The following SMOC2 variants were observed in gnomAD, a reference collection of about 807,000 sequenced individuals.
SMOC2 encodes SPARC-related modular calcium-binding protein 2.
In SMOC2, 39 loss-of-function variants were observed where a neutral mutation model predicts 61.4. That is an observed-to-expected ratio of 0.64 (90% CI 0.49 to 0.83). SMOC2 has a LOEUF of 0.83. Ranked by LOEUF, SMOC2 falls within the 40% of genes least tolerant of loss-of-function variation. The pLI is 0.00. For synonymous variants in SMOC2, 247 were observed against 239.9 expected (o/e 1.03, Z -0.27); for missense variants, 556 against 592.9 (o/e 0.94, Z 0.65).
At chr6:168,646,135 G>A (rs1003831937) in intron 9 of SMOC2, among the ~76,000 whole-genome samples, 2 of 152,210 alleles carry the variant, frequency 1.3e-5, no homozygotes, top group Admixed American at 6.5e-5. Context: ...CCAGAGGAAT[G>A]CGTCTCATTA....
intron 7 of SMOC2, among the ~76,000 whole-genome samples, chr6:168,580,997 GT>G (rs2115158145): frequency 6.6e-6 from 1 of 152,316 alleles, no homozygotes; most frequent in Non-Finnish European, 1.5e-5. Context: ...GGGAATTAAA[GT>G]ATGCAACCAG....
Position 168,598,863 on chromosome 6 carries a change from A to G in SMOC2, c.683A>G (p.Lys228Arg). 1.2e-6 allele frequency: 2 copies of G among 1,613,876 alleles called. No homozygotes were observed. The highest frequency in any genetic ancestry group is 1.7e-6 in the Non-Finnish European group (2 of 1,179,842). Residue 228 changes from lysine (K) to arginine (R), a missense_variant, in exon 8 of 13, where the codon AAG (lysine) becomes AGG (arginine). Coordinates refer to ENST00000356284, the MANE Select transcript of SMOC2 (RefSeq NM_001166412.2). The part of the protein sequence containing the change: ...QEHQSALEEA[K>R]QPKNDNVVIP... ...CACCAGTCTGCCCTGGAGGAAGCCA[A>G]GCAGCCCAAGAACGACAATGTGGTG...
intron 7 of SMOC2, among the ~76,000 whole-genome samples, chr6:168,597,708 A>G (rs746015809): frequency 2.0e-5 from 3 of 152,204 alleles, no homozygotes; most frequent in Non-Finnish European, 4.4e-5. Context: ...GAGATTCGTG[A>G]CGTCCCAGCC....
chr6:168,512,082 C>T (rs1419743578), intron 2 of SMOC2, among the ~76,000 whole-genome samples: 1 of 152,100 alleles, frequency 6.6e-6, no homozygotes, highest in East Asian at 1.9e-4. Context: ...TCCCCTCATG[C>T]TGGGGGAGTC....
Position 168,553,743 on chromosome 6 carries a change from C to T in SMOC2, c.637+4540C>T, listed in dbSNP as rs533365307. ...TGGGGCGAGGAGGCATCCAGGCTCA[C>T]GGGACGGTTTCTGTATCACGGTTGC... On this transcript the variant is annotated intron_variant, in intron 7 of 12. Coordinates refer to ENST00000356284, the MANE Select transcript of SMOC2 (RefSeq NM_001166412.2). The surrounding 1 kb of genome is among the most constrained non-coding windows in gnomAD (Gnocchi z 4.2). Among the ~76,000 whole-genome samples the T allele has an allele frequency of 3.9e-5, 6 of 152,200 alleles. No individual in the cohort carries two copies. The highest frequency in any genetic ancestry group is 5.9e-5 in the Non-Finnish European group (4 of 68,046).
chr6:168,505,128 T>C (rs1277623177), intron 1 of SMOC2, among the ~76,000 whole-genome samples: 1 of 150,182 alleles, frequency 6.7e-6, no homozygotes, highest in Non-Finnish European at 1.5e-5. Context: ...GCCAGATGAA[T>C]GACTGAATGA....
At chr6:168,620,980 G>T (rs532999883) in intron 9 of SMOC2, among the ~76,000 whole-genome samples, 1 of 149,774 alleles carries the variant, frequency 6.7e-6, no homozygotes, top group Non-Finnish European at 1.5e-5. Context: ...AACCAAGGTC[G>T]AAAACTTCTC....
Position 168,612,291 on chromosome 6 carries a change from C to A in SMOC2, c.907+4052C>A, listed in dbSNP as rs1353086629. ...GATCTCCATCAGGGGAGAGGGTGAC[C>A]CCAGCCTTTACTCAAACAGCAGCGC... On this transcript the variant is annotated intron_variant, in intron 9 of 12. Transcript: ENST00000356284. Among the ~76,000 whole-genome samples the A allele has an allele frequency of 4.0e-5, 5 of 126,242 alleles. 1 individual carries two copies. In the East Asian group the frequency reaches 1.2e-3, roughly 31 times the overall value. 82.8% of individuals were successfully genotyped at this position (126,242 alleles called of 152,430 possible). A position where few individuals can be genotyped will look rare whatever the true frequency, so the allele number is the denominator to read the frequency against.
chr6:168,502,381 G>A (rs1782751021), intron 1 of SMOC2, among the ~76,000 whole-genome samples: 1 of 152,250 alleles, frequency 6.6e-6, no homozygotes, highest in Non-Finnish European at 1.5e-5. Flanking sequence ...GCCAAGGTCA[G>A]CATGTTCCCT....
intron 1 of SMOC2, among the ~76,000 whole-genome samples, chr6:168,499,240 G>A (rs1431873208): frequency 2.0e-5 from 3 of 152,244 alleles, no homozygotes; most frequent in Non-Finnish European, 4.4e-5. Flanking sequence ...GGGAGACGGT[G>A]CTGCATGCTG....
chr6:168,559,789 A>G (rs971081957), intron 7 of SMOC2, among the ~76,000 whole-genome samples: 24 of 152,204 alleles, frequency 1.6e-4, no homozygotes, highest in African/African-American at 5.5e-4. Flanking sequence ...GAATTTTACC[A>G]GCCCCCCTAA....
Position 168,544,295 on chromosome 6 carries a change from A to C in SMOC2, c.511+623A>C, listed in dbSNP as rs533398381. Among the ~76,000 whole-genome samples, 1 of 152,226 alleles carries C rather than the reference A, an allele frequency of 6.6e-6. No individual in the cohort carries two copies. The highest frequency in any genetic ancestry group is 6.5e-5 in the Admixed American group (1 of 15,294). ...CAGGACACATTTCTGCTTTTCTCTTACATCAGCCTTTAAAGTCAGACGTTG... is the reference window on the plus strand; with the variant it reads ...CAGGACACATTTCTGCTTTTCTCTTCCATCAGCCTTTAAAGTCAGACGTTG... On this transcript the variant is annotated intron_variant, in intron 5 of 12. Coordinates refer to ENST00000356284, the MANE Select transcript of SMOC2 (RefSeq NM_001166412.2). The surrounding 1 kb of genome is among the most constrained non-coding windows in gnomAD (Gnocchi z 4.1).
At chr6:168,454,204 G>A (rs1781528718) in intron 1 of SMOC2, among the ~76,000 whole-genome samples, 1 of 152,216 alleles carries the variant, frequency 6.6e-6, no homozygotes, top group Non-Finnish European at 1.5e-5. Context: ...CGTCTCTCCT[G>A]TTGGGCTGCC....
intron 9 of SMOC2, among the ~76,000 whole-genome samples, chr6:168,643,853 G>A (rs1786956348): frequency 6.6e-6 from 1 of 152,198 alleles, no homozygotes; most frequent in Non-Finnish European, 1.5e-5. Context: ...GCCACAGTGT[G>A]GTGCTGAGTG....
At chr6:168,656,227 C>G (rs1787318623) in intron 11 of SMOC2, among the ~76,000 whole-genome samples, 1 of 152,068 alleles carries the variant, frequency 6.6e-6, no homozygotes, top group South Asian at 2.1e-4. Flanking sequence ...TAAAATCCTC[C>G]TGGCAAGTCA....
At chr6:168,487,755 A>C (rs1782368317) in intron 1 of SMOC2, among the ~76,000 whole-genome samples, 1 of 152,160 alleles carries the variant, frequency 6.6e-6, no homozygotes, top group Non-Finnish European at 1.5e-5. Context: ...CACCCTCCAC[A>C]GCCTCCCAAA....
intron 1 of SMOC2, among the ~76,000 whole-genome samples, chr6:168,504,455 G>A (rs887332322): frequency 3.3e-5 from 5 of 150,710 alleles, no homozygotes; most frequent in Non-Finnish European, 7.4e-5. Context: ...TAAGGAACCC[G>A]CAACCTAGAC....
intron 7 of SMOC2, among the ~76,000 whole-genome samples, chr6:168,552,482 T>C (rs987147970): frequency 1.3e-5 from 2 of 152,146 alleles, no homozygotes; most frequent in Non-Finnish European, 2.9e-5. Context: ...TTCTCTGATG[T>C]TTCTTTATAT....
chr6:168,495,067 CA>C (rs1243306636), intron 1 of SMOC2, among the ~76,000 whole-genome samples: 2 of 152,228 alleles, frequency 1.3e-5, no homozygotes, highest in Non-Finnish European at 2.9e-5. Context: ...TGACCCTTCT[CA>C]GAGGGTCTAA....
Sources: allele counts gnomAD v4.1 joint callset (sites outside exome capture counted in the v4.1 genomes callset), GRCh38; gene constraint gnomAD v4.1.1; non-coding constraint Gnocchi (gnomAD v3.1); transcripts MANE v1.5; gene names NCBI Gene and HGNC (gene_info 2026-07-23, HGNC 2026-07-21).